ALOX12B: variants seen among roughly 807,000 people sequenced by gnomAD.
ALOX12B encodes the protein arachidonate 12-lipoxygenase, 12R-type.
Under a neutral mutation model 78.9 loss-of-function variants are expected in ALOX12B, and 47 were observed. That is an observed-to-expected ratio of 0.60 (90% CI 0.47 to 0.76). ALOX12B has a LOEUF of 0.76. Ranked by LOEUF, ALOX12B falls within the 30% of genes least tolerant of loss-of-function variation. The probability of loss-of-function intolerance (pLI) is 0.00; values close to 1 mark genes in which losing one functional copy is unlikely to be tolerated. For synonymous variants in ALOX12B, 370 were observed against 374.5 expected (o/e 0.99, Z 0.14); for missense variants, 805 against 922.6 (o/e 0.87, Z 1.65).
intron 11 of ALOX12B, 147 bp from the exon 12 acceptor site, chr17:8,075,863 G>A (rs368867370): frequency 6.5e-6 from 9 of 1,376,748 alleles, no homozygotes; most frequent in South Asian, 3.5e-5. Context: ...TGGGGCAGAA[G>A]TGGAGAGGAT....
In ALOX12B at chr17:8,080,544, C is replaced by T. The variant is rs763174862; in HGVS notation, c.650+114G>A. ...TTTTCTGGGTCTGCGTTTCAGCTCC[C>T]TCTGCCTTCCTGGCCATTCCAACCT... On this transcript the variant is annotated intron_variant, in intron 5 of 14. Coordinates refer to ENST00000647874, the MANE Select transcript of ALOX12B (RefSeq NM_001139.3). The surrounding 1 kb of genome is among the most constrained non-coding windows in gnomAD (Gnocchi z 4.8). 1 of 1,547,436 alleles carries T rather than the reference C, an allele frequency of 6.5e-7. No individual in the cohort carries two copies. The highest frequency in any genetic ancestry group is 1.1e-5 in the South Asian group (1 of 87,556).
intron 8 of ALOX12B, among the ~76,000 whole-genome samples, chr17:8,077,454 C>G (rs1436883363): frequency 1.3e-5 from 2 of 152,250 alleles, no homozygotes; most frequent in African/African-American, 2.4e-5. Flanking sequence ...AACCATCTCA[C>G]AAGCTGCCTT....
At position 8,073,296 on chromosome 17, in the gene ALOX12B, G is replaced by A. The variant is rs750725440; in HGVS notation, c.1778C>T (p.Pro593Leu). Residue 593 changes from proline to leucine, a missense_variant, in exon 14 of 15, where the codon CCC becomes CTC. Coordinates refer to ENST00000647874, the MANE Select transcript of ALOX12B (RefSeq NM_001139.3). ...TGQMEFTAWM[P>L]NFPASMRNPP... ...ATTCCGCATGGACGCTGGGAAGTTG[G>A]GCATCCAGGCGGTGAACTCCATCTG... is the stretch of plus-strand genomic sequence containing the variant. The A allele has an allele frequency of 1.2e-6, 2 of 1,614,188 alleles. No homozygotes were observed. The highest frequency in any genetic ancestry group is 1.7e-6 in the Non-Finnish European group (2 of 1,180,040).
chr17:8,081,441 C>T (rs1598181938), intron 2 of ALOX12B: 1 of 571,080 alleles, frequency 1.8e-6, no homozygotes, highest in Non-Finnish European at 3.2e-6. Context: ...CTCCTCTAGA[C>T]CCACTGAAAT....
In ALOX12B at chr17:8,079,909, AG is replaced by A; in HGVS notation, c.786del (p.Phe263SerfsTer14). The A allele has an allele frequency of 6.2e-7, 1 of 1,613,108 alleles. No individual in the cohort carries two copies. The highest frequency in any genetic ancestry group is 2.2e-5 in the East Asian group (1 of 44,846). ...EYVAEHWAED[T>X]FFGYQYLNGV... ...CCGTTGAGGTACTGGTACCCAAAGA[AG>A]GTGTCCTCTGCCCAGTGCTCGGCCA... is the stretch of plus-strand genomic sequence containing the variant. On this transcript the variant is annotated frameshift_variant, in exon 7 of 15. Coordinates refer to ENST00000647874, the MANE Select transcript of ALOX12B (RefSeq NM_001139.3). LOFTEE classifies it high-confidence loss of function. The surrounding 1 kb of genome is among the most constrained non-coding windows in gnomAD (Gnocchi z 6.4).
In ALOX12B at chr17:8,086,057, C is replaced by T; in HGVS notation, c.311G>A (p.Trp104Ter). The T allele has an allele frequency of 1.2e-6, 2 of 1,614,200 alleles. No homozygotes were observed. Among genetic ancestry groups the T allele is most frequent in the Non-Finnish European group, 1.7e-6 (2 of 1,180,028 alleles). The change falls in exon 2 of 15, where the codon TGG becomes TAG. Residue 104 changes from tryptophan to a stop codon, truncating the protein, a stop_gained. Transcript: ENST00000647874. LOFTEE classifies it high-confidence loss of function. ...TGCCAGGGTCTCGTAGCCATCCATC[C>T]ACTGGTAGGCGGGGAAGTGGTAGAT... ...GRIYHFPAYQ[W>*]MDGYETLALR... is the part of the protein sequence containing the mutation.
At chr17:8,076,870 G>A in intron 9 of ALOX12B, 120 bp downstream of exon 9, 3 of 1,401,164 alleles carry the variant, frequency 2.1e-6, no homozygotes, top group Non-Finnish European at 2.9e-6. Flanking sequence ...CTCTCTTGTG[G>A]TCCCCAGATG....
chr17:8,073,068 T>C (rs2151820963), intron 14 of ALOX12B, 80 bp downstream of exon 14: 1 of 1,608,292 alleles, frequency 6.2e-7, no homozygotes, highest in Non-Finnish European at 8.5e-7. Context: ...TGCTCCCCTC[T>C]TGACGCCGCT....
chr17:8,073,350 G>A, intron 13 of ALOX12B, 32 bp from the exon 14 acceptor site: 1 of 1,613,604 alleles, frequency 6.2e-7, no homozygotes, highest in Non-Finnish European at 8.5e-7. Flanking sequence ...GGGTCTGGGT[G>A]GAAGAGTACC....
In ALOX12B at chr17:8,079,434, A is replaced by G; in HGVS notation, c.1033T>C (p.Phe345Leu). 1 of 1,551,456 alleles carries G rather than the reference A, an allele frequency of 6.4e-7. No individual in the cohort carries two copies. Among genetic ancestry groups the G allele is most frequent in the Non-Finnish European group, 8.7e-7 (1 of 1,147,206 alleles). ...HHCAPLCLLHFGPEGKMMPIA... is the reference protein window; with the variant it reads ...HHCAPLCLLHLGPEGKMMPIA... The stretch of plus-strand genomic sequence containing the variant: ...GGCATCATCTTGCCCTCGGGTCCAA[A>G]GTGCAGCAGGCAGAGGGGGGCGCAG... Residue 345 changes from phenylalanine (F) to leucine (L), a missense_variant, in exon 8 of 15, where the codon TTT becomes CTT. Physicochemically the swap from Phe to Leu is conservative, Grantham distance 22 (BLOSUM62 0). Transcript: ENST00000647874. The surrounding 1 kb of genome is among the most constrained non-coding windows in gnomAD (Gnocchi z 6.4).
chr17:8,087,251 C>CAGACAG, intron 1 of ALOX12B, 45 bp downstream of exon 1: 2 of 1,279,094 alleles, frequency 1.6e-6, no homozygotes, highest in Non-Finnish European at 2.1e-6. Context: ...CACACACACA[C>CAGACAG]ACACACAGAC....
In ALOX12B at chr17:8,080,408, G is replaced by A; in HGVS notation, c.651-70C>T. ...AGCGCCGGCTGGGGCAGGTGGCGGGGCCGCCCCATCCACTTAGGTCTCTGG... is the reference window on the plus strand; with the variant it reads ...AGCGCCGGCTGGGGCAGGTGGCGGGACCGCCCCATCCACTTAGGTCTCTGG... On this transcript the variant is annotated intron_variant, in intron 5 of 14. Coordinates refer to ENST00000647874, the MANE Select transcript of ALOX12B (RefSeq NM_001139.3). This position sits in a 1 kb window ranked among gnomAD's most constrained non-coding sequence, Gnocchi z 4.8. 1 of 1,549,424 alleles carries A rather than the reference G, an allele frequency of 6.5e-7. No homozygotes were observed.
At chr17:8,073,423 G>A (rs1383236108) in intron 13 of ALOX12B, 105 bp from the exon 14 acceptor site, 6 of 1,492,654 alleles carry the variant, frequency 4.0e-6, no homozygotes, top group Non-Finnish European at 5.5e-6. Context: ...TGGACTCCCC[G>A]CCCTTGGCGC....
Position 8,079,138 on chromosome 17 carries a change from C to T in ALOX12B, c.1071+258G>A, listed in dbSNP as rs1977151037. ...GGTCTCGATCTCCTGACCTCGTGAT[C>T]CGCCCGCCTCGGCCTCCCAAAGTGC... On this transcript the variant is annotated intron_variant, in intron 8 of 14. Coordinates refer to ENST00000647874, the MANE Select transcript of ALOX12B (RefSeq NM_001139.3). The surrounding 1 kb of genome is among the most constrained non-coding windows in gnomAD (Gnocchi z 6.4). 1.3e-5 allele frequency among the ~76,000 whole-genome samples: 2 copies of T among 152,112 alleles called. No individual in the cohort carries two copies. The highest frequency in any genetic ancestry group is 2.9e-5 in the Non-Finnish European group (2 of 68,010).
intron 9 of ALOX12B, 73 bp downstream of exon 9, chr17:8,076,917 T>G: frequency 2.0e-6 from 3 of 1,522,582 alleles, no homozygotes; most frequent in Non-Finnish European, 2.7e-6. Flanking sequence ...GACTGCTCAG[T>G]GGGCCTGGGG....
Position 8,073,986 on chromosome 17 carries a change from T to C in ALOX12B, c.1655-229A>G, listed in dbSNP as rs1263538528. On this transcript the variant is annotated intron_variant, in intron 12 of 14. Transcript: ENST00000647874. Reference sequence around the variant, plus strand: ...TTGGCCAGAAGTCCTCCAGGGCTGCTCCTGGCCCCTGTCTAACCAGTGGCC... The same window carrying C: ...TTGGCCAGAAGTCCTCCAGGGCTGCCCCTGGCCCCTGTCTAACCAGTGGCC... 3.3e-5 allele frequency among the ~76,000 whole-genome samples: 5 copies of C among 152,202 alleles called. No homozygotes were observed. The East Asian group carries it at 9.6e-4, about 29-fold the overall frequency.
At chr17:8,078,829 G>T (rs538388522) in intron 8 of ALOX12B, among the ~76,000 whole-genome samples, 2 of 151,900 alleles carry the variant, frequency 1.3e-5, no homozygotes, top group African/African-American at 2.4e-5. Context: ...GGCTGGACGC[G>T]GTGGCTCACG....
chr17:8,087,351 C>T lies in ALOX12B; in HGVS notation c.92G>A (p.Gly31Glu), dbSNP rs1978304820. Residue 31 changes from glycine (G) to glutamate (E), a missense_variant, in exon 1 of 15, where the codon GGA becomes GAA. By Grantham distance (98) the Gly-to-Glu change is moderately conservative (BLOSUM62 -2). Coordinates refer to ENST00000647874, the MANE Select transcript of ALOX12B (RefSeq NM_001139.3). ...SISLTIVGTQGESHKQLLNHF... is the reference protein window; with the variant it reads ...SISLTIVGTQEESHKQLLNHF... ...GTTCAGCAGCTGCTTATGGCTCTCT[C>T]CTTGTGTCCCCACAATGGTCAGTGA... 1 of 1,614,102 alleles carries T rather than the reference C, an allele frequency of 6.2e-7. No homozygotes were observed. The highest frequency in any genetic ancestry group is 1.3e-5 in the African/African-American group (1 of 74,932).
rs1017556110 is a variant in ALOX12B at position 8,076,717 on chromosome 17, G to A, written c.1302C>T (p.Thr434=). 15 of 1,550,636 alleles carry A rather than the reference G, an allele frequency of 9.7e-6. No individual in the cohort carries two copies. Among genetic ancestry groups the A allele is most frequent in the Admixed American group, 7.8e-5 (4 of 51,012 alleles). Reference sequence around the variant, plus strand: ...CCCGGCCAATGCTGTTGATCTGGACGGTGTATCGGGTATGGGGGATGAGGA... The same window carrying A: ...CCCGGCCAATGCTGTTGATCTGGACAGTGTATCGGGTATGGGGGATGAGGA... The part of the protein sequence containing the change: ...YKLLIPHTRY[T]VQINSIGRAV... The change falls in exon 10 of 15, where the codon ACC becomes ACT. Residue 434 remains threonine, a synonymous_variant. Coordinates refer to ENST00000647874, the MANE Select transcript of ALOX12B (RefSeq NM_001139.3).
Sources: allele counts gnomAD v4.1 joint callset (sites outside exome capture counted in the v4.1 genomes callset), GRCh38; gene constraint gnomAD v4.1.1; non-coding constraint Gnocchi (gnomAD v3.1); transcripts MANE v1.5; gene names NCBI Gene and HGNC (gene_info 2026-07-23, HGNC 2026-07-21).